The following TNNT3 variants were observed in gnomAD, a reference collection of about 807,000 sequenced individuals.
The protein encoded by TNNT3 is troponin T3, fast skeletal type, also known as troponin T, fast skeletal muscle.
TNNT3 carries 36 observed loss-of-function variants against 54.2 expected under a neutral mutation model. That is an observed-to-expected ratio of 0.66 (90% CI 0.51 to 0.88). The LOEUF (loss-of-function observed/expected upper bound fraction) is 0.88. Among genes scored for constraint, TNNT3 ranks in the 40% least tolerant of loss-of-function variants. The pLI, the probability that TNNT3 is intolerant of heterozygous loss-of-function variation, is 0.00. For synonymous variants in TNNT3, 120 were observed against 109.7 expected, an observed-to-expected ratio of 1.09 and a Z score of -0.59; for missense variants, 291 against 331.6, an observed-to-expected ratio of 0.88 and a Z score of 0.95.
intron 4 of TNNT3, 90 bp from the exon 5 acceptor site, chr11:1,925,009 C>A: frequency 6.6e-7 from 1 of 1,504,644 alleles, no homozygotes; most frequent in Non-Finnish European, 9.2e-7. Context: ...GCCTCCTGTC[C>A]TTGCGGCCTG....
chr11:1,919,678 A>T (rs1336364181), upstream of TNNT3: 1 of 152,212 alleles, frequency 6.6e-6, no homozygotes, highest in African/African-American at 2.4e-5. Flanking sequence ...ATGTCACTAT[A>T]ACACGAGGGT....
At chr11:1,935,595 C>T (rs1765930462) in intron 14 of TNNT3, 1 of 166,114 alleles carries the variant, frequency 6.0e-6, no homozygotes, top group African/African-American at 2.4e-5. Flanking sequence ...CAAGCTGCTT[C>T]CCACCCTCCC....
At chr11:1,927,215 G>A (rs547208984) in intron 6 of TNNT3, among the ~76,000 whole-genome samples, 2 of 152,200 alleles carry the variant, frequency 1.3e-5, no homozygotes, top group African/African-American at 2.4e-5. Context: ...AGGTGGGGAC[G>A]CTGGGGACCC....
chr11:1,932,615 C>A, intron 9 of TNNT3, 101 bp downstream of exon 9: 2 of 1,205,274 alleles, frequency 1.7e-6, no homozygotes, highest in South Asian at 1.2e-5. Flanking sequence ...GTAGCCAGAG[C>A]CGGGGCCTCC....
intron 4 of TNNT3, among the ~76,000 whole-genome samples, chr11:1,923,778 T>C (rs1023616937): frequency 6.6e-6 from 1 of 152,080 alleles, no homozygotes; most frequent in African/African-American, 2.4e-5. Context: ...ACTTAATTAA[T>C]GATGGATGAG....
chr11:1,925,167 G>A (rs1411563912), intron 5 of TNNT3, 51 bp downstream of exon 5: 3 of 697,636 alleles, frequency 4.3e-6, no homozygotes, highest in Non-Finnish European at 4.5e-6. Flanking sequence ...CAGCCTTCCC[G>A]CCCCACCCAA....
Position 1,932,479 on chromosome 11 carries a change from C to A in TNNT3, c.136C>A (p.Pro46Thr). ...CTGTCTCCTCTTCAGACTCACTGCTCCTAAGATCCCAGAAGGGGAGAAAGT... is the reference window on the plus strand; with the variant it reads ...CTGTCTCCTCTTCAGACTCACTGCTACTAAGATCCCAGAAGGGGAGAAAGT... ...EEKPRPKLTA[P>T]KIPEGEKVDF... Residue 46 changes from proline (P) to threonine (T), a missense_variant, in exon 9 of 16, where the codon CCT (proline) becomes ACT (threonine). By Grantham distance (38) the Pro-to-Thr change is conservative. Coordinates refer to ENST00000278317, the MANE Select transcript of TNNT3 (RefSeq NM_006757.4). The A allele has an allele frequency of 1.2e-6, 2 of 1,613,850 alleles. No individual in the cohort carries two copies. The highest frequency in any genetic ancestry group is 1.7e-6 in the Non-Finnish European group (2 of 1,179,996).
chr11:1,938,545 G>C lies in TNNT3; in HGVS notation c.*53G>C, dbSNP rs568960315. 8.9e-6 allele frequency: 14 copies of C among 1,579,328 alleles called. No individual in the cohort carries two copies. The East Asian group carries it at 2.9e-4, about 33-fold the overall frequency. ...AGACCCTCCGCCCTCTTGCACACCA[G>C]GGCCGCTCGTGGGACTCCACATCCT... On this transcript the variant is annotated 3_prime_UTR_variant, in exon 16 of 16. Transcript: ENST00000278317.
chr11:1,934,222 AG>A, intron 11 of TNNT3, 109 bp from the exon 12 acceptor site: 1 of 1,138,208 alleles, frequency 8.8e-7, no homozygotes, highest in Non-Finnish European at 1.3e-6. Flanking sequence ...TTCTAAGCCC[AG>A]GGTGGGCCCT....
intron 9 of TNNT3, 45 bp from the exon 10 acceptor site, chr11:1,933,676 G>A: frequency 6.6e-7 from 1 of 1,515,088 alleles, no homozygotes; most frequent in Non-Finnish European, 9.2e-7. Flanking sequence ...CAGGGCAGAG[G>A]TTGGAGAGAG....
chr11:1,936,017 G>A (rs553653256), intron 14 of TNNT3, among the ~76,000 whole-genome samples: 5 of 152,298 alleles, frequency 3.3e-5, no homozygotes, highest in South Asian at 4.1e-4. Context: ...CGGGCTTCAC[G>A]GCACAGGACC....
intron 9 of TNNT3, 132 bp from the exon 10 acceptor site, chr11:1,933,589 T>C: frequency 1.3e-6 from 1 of 743,540 alleles, no homozygotes; most frequent in South Asian, 1.5e-5. Flanking sequence ...CCACTTGCCA[T>C]TTTCATGGTG....
chr11:1,932,249 G>A (rs1025246011), intron 8 of TNNT3, among the ~76,000 whole-genome samples: 20 of 152,230 alleles, frequency 1.3e-4, no homozygotes, highest in Admixed American at 4.6e-4. Context: ...CGCTGGAAGC[G>A]GAAGCCTTCT....
Position 1,922,890 on chromosome 11 carries a change from G to C in TNNT3, c.16G>C (p.Val6Leu). The C allele has an allele frequency of 6.2e-7, 1 of 1,613,706 alleles. No homozygotes were observed. Residue 6 changes from valine to leucine, a missense_variant and splice_region_variant, in exon 2 of 16, where the codon GTT becomes CTT. Physicochemically the swap from Val to Leu is conservative, Grantham distance 32. Transcript: ENST00000278317. MSDEE[V>L]EQVEEQYEEE... is the part of the protein sequence containing the mutation. ...CACCTTCACCATGTCTGACGAGGAA[G>C]TGTGAGTACCCAGCTGGTGGCTGCC...
intron 5 of TNNT3, among the ~76,000 whole-genome samples, chr11:1,925,956 G>A (rs780303300): frequency 1.1e-4 from 16 of 152,278 alleles, no homozygotes; most frequent in South Asian, 2.1e-4. Context: ...GGCCCCCAGC[G>A]TTGGGATGGC....
intron 1 of TNNT3, among the ~76,000 whole-genome samples, chr11:1,921,971 G>A (rs185509759): frequency 1.0e-3 from 156 of 152,336 alleles, no homozygotes; most frequent in Non-Finnish European, 2.2e-4. Flanking sequence ...CCAGTCCTGG[G>A]CATGGAGCTT....
chr11:1,923,823 C>T (rs956487944), intron 4 of TNNT3, among the ~76,000 whole-genome samples: 9 of 152,172 alleles, frequency 5.9e-5, no homozygotes, highest in African/African-American at 2.2e-4. Context: ...TCTCTTTAAT[C>T]GATTAATATG....
chr11:1,921,885 T>A (rs1850191370), intron 1 of TNNT3, among the ~76,000 whole-genome samples: 1 of 152,200 alleles, frequency 6.6e-6, no homozygotes, highest in South Asian at 2.1e-4. Flanking sequence ...CCGCCCAGTG[T>A]GCACGGTGGC....
At chr11:1,936,657 C>T (rs1014510112) in intron 14 of TNNT3, among the ~76,000 whole-genome samples, 12 of 152,246 alleles carry the variant, frequency 7.9e-5, no homozygotes, top group South Asian at 2.1e-4. Flanking sequence ...ATCCGTGCTC[C>T]GTACCCCCCG....
Sources: allele counts gnomAD v4.1 joint callset (sites outside exome capture counted in the v4.1 genomes callset), GRCh38; gene constraint gnomAD v4.1.1; transcripts MANE v1.5; gene names NCBI Gene and HGNC (gene_info 2026-07-23, HGNC 2026-07-21).